Variants in PLCZ1 observed in about 807,000 individuals in gnomAD.
PLCZ1 encodes 1-phosphatidylinositol 4,5-bisphosphate phosphodiesterase zeta-1.
Under a neutral mutation model 76.8 loss-of-function variants are expected in PLCZ1, and 64 were observed. That is an observed-to-expected ratio of 0.83 (90% confidence interval 0.68 to 1.03). The LOEUF is 1.03. Among genes scored for constraint, PLCZ1 ranks in the 50% least tolerant of loss-of-function variants. PLCZ1 has a pLI of 0.00. For synonymous variants in PLCZ1, 248 were observed against 230.8 expected, an observed-to-expected ratio of 1.07 and a Z score of -0.68; for missense variants, 751 against 713.7, an observed-to-expected ratio of 1.05 and a Z score of -0.60.
intron 13 of PLCZ1, among the ~76,000 whole-genome samples, chr12:18,686,280 T>C (rs1051142788): frequency 6.6e-6 from 1 of 151,988 alleles, no homozygotes; most frequent in Non-Finnish European, 1.5e-5. Flanking sequence ...AACACTCAAC[T>C]CTGTTAAAGT....
rs908361071 is a variant in PLCZ1 at position 18,736,305 on chromosome 12, T to C, written c.51A>G (p.Gly17=). 2.5e-6 allele frequency: 4 copies of C among 1,612,772 alleles called. No homozygotes were observed. Among genetic ancestry groups the C allele is most frequent in the Admixed American group, 1.7e-5 (1 of 59,954 alleles). Reference sequence around the variant, plus strand: ...TCTGAGTTTTTTCTAGGTTAATTTTTCCACCTCTGAAGTCATCCTGAATCT... The same window carrying C: ...TCTGAGTTTTTTCTAGGTTAATTTTCCCACCTCTGAAGTCATCCTGAATCT... The part of the protein sequence containing the change: ...LSKIQDDFRG[G]KINLEKTQRL... The change falls in exon 3 of 15, where the codon GGA becomes GGG. Residue 17 remains glycine (G), a synonymous_variant. Transcript: ENST00000266505.
chr12:18,734,482 C>A (rs1959179420), intron 3 of PLCZ1, among the ~76,000 whole-genome samples: 2 of 152,220 alleles, frequency 1.3e-5, no homozygotes, highest in South Asian at 2.1e-4. Context: ...TCCTGAGTAG[C>A]TGGAATTACA....
intron 12 of PLCZ1, chr12:18,692,640 AC>A (rs1954298463): frequency 1.6e-6 from 1 of 606,582 alleles, no homozygotes; most frequent in Non-Finnish European, 2.9e-6. Context: ...GGGCAGGAGG[AC>A]TAATTATGCA....
chr12:18,721,590 T>C (rs1958437112), intron 4 of PLCZ1, among the ~76,000 whole-genome samples: 2 of 152,058 alleles, frequency 1.3e-5, no homozygotes, highest in African/African-American at 2.4e-5. Context: ...TTTGGTAATA[T>C]TCTCTAGATC....
At chr12:18,658,997 A>C in the PLCZ1 span, among the ~76,000 whole-genome samples, 88,402 of 151,432 alleles carry the variant, frequency 0.58, 27,155 homozygotes, top group East Asian at 0.89. Context: ...CTCATGCTCT[A>C]TGACTCAGTG....
chr12:18,664,620 C>A, the PLCZ1 span, among the ~76,000 whole-genome samples: 1 of 151,830 alleles, frequency 6.6e-6, no homozygotes, highest in African/African-American at 2.4e-5. Flanking sequence ...GGATCTAGAA[C>A]TAGAAAGACC....
At chr12:18,690,868 G>A (rs1953960624) in intron 12 of PLCZ1, among the ~76,000 whole-genome samples, 2 of 152,166 alleles carry the variant, frequency 1.3e-5, no homozygotes, top group Admixed American at 1.3e-4. Context: ...AAGGCTAGAA[G>A]TGGTGAGAGA....
intron 12 of PLCZ1, among the ~76,000 whole-genome samples, chr12:18,690,306 C>A (rs1444113217): frequency 9.2e-5 from 14 of 152,116 alleles, no homozygotes; most frequent in Admixed American, 5.2e-4. Context: ...TCACTGCAAC[C>A]TCTGCCTCCT....
the PLCZ1 span, among the ~76,000 whole-genome samples, chr12:18,661,996 C>T: frequency 6.6e-6 from 1 of 152,086 alleles, no homozygotes; most frequent in Non-Finnish European, 1.5e-5. Context: ...GGGCCATTAT[C>T]CCATTATCCT....
At chr12:18,649,621 A>G in the PLCZ1 span, among the ~76,000 whole-genome samples, 3,297 of 151,988 alleles carry the variant, frequency 0.022, 117 homozygotes, top group African/African-American at 0.075. Flanking sequence ...CTCACCTCCA[A>G]TTTTCTCTTA....
the PLCZ1 span, among the ~76,000 whole-genome samples, chr12:18,670,875 T>A: frequency 6.6e-6 from 1 of 152,028 alleles, no homozygotes; most frequent in Non-Finnish European, 1.5e-5. Context: ...ATTGGAAAAA[T>A]TATTTAAGAA....
intron 6 of PLCZ1, among the ~76,000 whole-genome samples, chr12:18,709,914 T>C (rs1957083764): frequency 6.6e-6 from 1 of 152,102 alleles, no homozygotes; most frequent in African/African-American, 2.4e-5. Flanking sequence ...GTCATTTTTA[T>C]ACTATTGTAA....
chr12:18,693,919 C>G, intron 12 of PLCZ1: 1 of 1,526,506 alleles, frequency 6.6e-7, no homozygotes, highest in Non-Finnish European at 9.1e-7. Flanking sequence ...TAACCCTGCA[C>G]GACTTGATCA....
Position 18,683,290 on chromosome 12 carries a change from A to G in PLCZ1, c.1776T>C (p.Gly592=). 6.2e-7 allele frequency: 1 copy of G among 1,612,600 alleles called. No homozygotes were observed. The highest frequency in any genetic ancestry group is 8.5e-7 in the Non-Finnish European group (1 of 1,179,036). The stretch of plus-strand genomic sequence containing the variant: ...ACAGTGAAGCAGGCTCAAGGCTCTC[A>G]CCCATTCTGGAAAACAGAGGAATAC... ...YRRIPLFSRM[G]ESLEPASLFV... is the part of the protein sequence containing the mutation. The change falls in exon 15 of 15, where the codon GGT becomes GGC. Residue 592 remains glycine, a synonymous_variant. Coordinates refer to ENST00000266505, the MANE Select transcript of PLCZ1 (RefSeq NM_033123.4).
chr12:18,702,544 A>G (rs1956088454), intron 7 of PLCZ1, among the ~76,000 whole-genome samples: 1 of 152,114 alleles, frequency 6.6e-6, no homozygotes, highest in Non-Finnish European at 1.5e-5. Context: ...TGTCATCCTC[A>G]GGCATCCATT....
At chr12:18,694,335 G>T (rs1481722279) in intron 12 of PLCZ1, among the ~76,000 whole-genome samples, 1 of 152,112 alleles carries the variant, frequency 6.6e-6, no homozygotes, top group Non-Finnish European at 1.5e-5. Flanking sequence ...AAACAAAAAA[G>T]CTCTCCCAAC....
intron 2 of PLCZ1, chr12:18,736,834 A>G (rs776264572): frequency 2.9e-5 from 14 of 489,016 alleles, no homozygotes; most frequent in Non-Finnish European, 5.4e-5. Context: ...AATAGTAACC[A>G]TGACTGATAA....
the PLCZ1 span, among the ~76,000 whole-genome samples, chr12:18,670,478 T>C: frequency 6.6e-6 from 1 of 152,270 alleles, no homozygotes; most frequent in Admixed American, 6.5e-5. Flanking sequence ...CAGCTTCAAC[T>C]ACCCAAGATG....
the PLCZ1 span, among the ~76,000 whole-genome samples, chr12:18,656,483 TG>T: frequency 4.6e-5 from 7 of 152,106 alleles, no homozygotes; most frequent in Non-Finnish European, 1.0e-4. Context: ...GAGAATTGCT[TG>T]AACCCAGGAG....
Sources: allele counts gnomAD v4.1 joint callset (sites outside exome capture counted in the v4.1 genomes callset), GRCh38; gene constraint gnomAD v4.1.1; transcripts MANE v1.5; gene names NCBI Gene and HGNC (gene_info 2026-07-23, HGNC 2026-07-21).